STX11: variants seen among roughly 807,000 people sequenced by gnomAD.
The protein encoded by STX11 is syntaxin-11.
Under a neutral mutation model 19.9 loss-of-function variants are expected in STX11, and 21 were observed. The observed-to-expected ratio is 1.06, with a 90% CI of 0.75 to 1.52. STX11 has a LOEUF of 1.52. Among genes scored for constraint, STX11 ranks in the 40% most tolerant of loss-of-function variants. The pLI is 0.00. For synonymous variants in STX11, 193 were observed against 174.4 expected (o/e 1.11, Z -0.84); for missense variants, 438 against 405.9 (o/e 1.08, Z -0.68).
chr6:144,163,346 G>A (rs1801393619), intron 1 of STX11, among the ~76,000 whole-genome samples: 1 of 152,238 alleles, frequency 6.6e-6, no homozygotes, highest in African/African-American at 2.4e-5. Flanking sequence ...GCCAAGGCAG[G>A]AGGATTGCTT....
chr6:144,172,813 CT>C lies in STX11; in HGVS notation c.-5-13809del, dbSNP rs1801674453. Among the ~76,000 whole-genome samples, 1 of 151,896 alleles carries C rather than the reference CT, an allele frequency of 6.6e-6. No individual in the cohort carries two copies. The highest frequency in any genetic ancestry group is 6.6e-5 in the Admixed American group (1 of 15,224). On this transcript the variant is annotated intron_variant, in intron 1 of 1. Transcript: ENST00000367568. This position sits in a 1 kb window ranked among gnomAD's most constrained non-coding sequence, Gnocchi z 4.2. ...TCTTGATCCCAAGACAATGAACAGG[CT>C]GTCTTTCCCATACACATCCAACATA... is the stretch of plus-strand genomic sequence containing the variant.
At position 144,177,006 on chromosome 6, in the gene STX11, G is replaced by A. The variant is rs1159243341; in HGVS notation, c.-5-9617G>A. On this transcript the variant is annotated intron_variant, in intron 1 of 1. Transcript: ENST00000367568. This position sits in a 1 kb window ranked among gnomAD's most constrained non-coding sequence, Gnocchi z 4.4. ...TTTTTTCTGGGAGAATTTAACAGGA[G>A]TAACCAGGCAATGAGACTAGAATAA... 2.6e-5 allele frequency among the ~76,000 whole-genome samples: 4 copies of A among 152,180 alleles called. No homozygotes were observed. The highest frequency in any genetic ancestry group is 4.4e-5 in the Non-Finnish European group (3 of 68,020).
In STX11 at chr6:144,189,382, A is replaced by G. The variant is rs1414030057; in HGVS notation, c.*1891A>G. 2.6e-5 allele frequency among the ~76,000 whole-genome samples: 4 copies of G among 152,232 alleles called. No individual in the cohort carries two copies. Among genetic ancestry groups the G allele is most frequent in the South Asian group, 2.1e-4 (1 of 4,822 alleles). On this transcript the variant is annotated 3_prime_UTR_variant, in exon 2 of 2. Transcript: ENST00000367568. ...TCTGGATGGAACTGAGTGGAGGGGG[A>G]AAAGAATGAAAAACTCAAAAGAATT...
intron 1 of STX11, among the ~76,000 whole-genome samples, chr6:144,161,921 T>C (rs530710934): frequency 1.2e-4 from 19 of 152,220 alleles, no homozygotes; most frequent in Non-Finnish European, 2.8e-4. Context: ...TCTTTCTCTT[T>C]ATAGAAAAAG....
intron 1 of STX11, among the ~76,000 whole-genome samples, chr6:144,161,257 G>T (rs774739290): frequency 2.0e-5 from 3 of 152,172 alleles, no homozygotes; most frequent in Admixed American, 1.3e-4. Context: ...AGGATGAAAC[G>T]TATTCCTTAA....
Position 144,187,602 on chromosome 6 carries a change from A to C in STX11, c.*111A>C. The C allele has an allele frequency of 6.9e-7, 1 of 1,439,376 alleles. No individual in the cohort carries two copies. Among genetic ancestry groups the C allele is most frequent in the Non-Finnish European group, 9.5e-7 (1 of 1,053,078 alleles). The allele number at this position is 1,439,376 out of a possible 1,614,324, so 89.2% of individuals were successfully genotyped here. A position where few individuals can be genotyped will look rare whatever the true frequency, so the allele number is the denominator to read the frequency against. ...GGGAGTTGCCCCAACCCTTTCCGGAACTCAGTCTTTAGAAAAGAAACGCCA... is the reference window on the plus strand; with the variant it reads ...GGGAGTTGCCCCAACCCTTTCCGGACCTCAGTCTTTAGAAAAGAAACGCCA... On this transcript the variant is annotated 3_prime_UTR_variant, in exon 2 of 2. Transcript: ENST00000367568. This position sits in a 1 kb window ranked among gnomAD's most constrained non-coding sequence, Gnocchi z 5.6.
chr6:144,150,229 C>A (rs1800958386), upstream of STX11, among the ~76,000 whole-genome samples: 1 of 152,274 alleles, frequency 6.6e-6, no homozygotes, highest in South Asian at 2.1e-4. Context: ...GTCCAGCGCG[C>A]TCCCTGCCCT....
chr6:144,153,343 G>T lies in STX11; in HGVS notation c.-6+2640G>T, dbSNP rs1801053837. Among the ~76,000 whole-genome samples, 1 of 152,180 alleles carries T rather than the reference G, an allele frequency of 6.6e-6. No individual in the cohort carries two copies. On this transcript the variant is annotated intron_variant, in intron 1 of 1. Transcript: ENST00000367568. The surrounding 1 kb of genome is among the most constrained non-coding windows in gnomAD (Gnocchi z 5.0). The stretch of plus-strand genomic sequence containing the variant: ...TAAGTGTTAGAAAGTGTTTATTGAT[G>T]GAATAATGAACCTTCACGTAGGAGG...
intron 1 of STX11, among the ~76,000 whole-genome samples, chr6:144,178,122 T>C (rs1022165572): frequency 6.6e-6 from 1 of 152,194 alleles, no homozygotes; most frequent in Admixed American, 6.5e-5. Flanking sequence ...GAAGCCTTCT[T>C]GTGGGGAGTT....
In STX11 at chr6:144,176,138, G is replaced by T. The variant is rs1422876168; in HGVS notation, c.-5-10485G>T. Among the ~76,000 whole-genome samples the T allele has an allele frequency of 6.6e-6, 1 of 152,150 alleles. No individual in the cohort carries two copies. Among genetic ancestry groups the T allele is most frequent in the Non-Finnish European group, 1.5e-5 (1 of 68,020 alleles). On this transcript the variant is annotated intron_variant, in intron 1 of 1. Transcript: ENST00000367568. This position sits in a 1 kb window ranked among gnomAD's most constrained non-coding sequence, Gnocchi z 4.1. ...TTTGCAGGAGGAGGTGGAGAGGGATGCCAGAGAAGGGAAGAAACAGAGCAG... is the reference window on the plus strand; with the variant it reads ...TTTGCAGGAGGAGGTGGAGAGGGATTCCAGAGAAGGGAAGAAACAGAGCAG...
rs1220369276 is a variant in STX11 at position 144,177,402 on chromosome 6, C to T, written c.-5-9221C>T. Among the ~76,000 whole-genome samples, 1 of 152,198 alleles carries T rather than the reference C, an allele frequency of 6.6e-6. No homozygotes were observed. Among genetic ancestry groups the T allele is most frequent in the Non-Finnish European group, 1.5e-5 (1 of 68,040 alleles). ...CAAGTGGAAAAATTTGCACAGATGA[C>T]TTGAGCCTTGAGGCCTTGACCCTTG... is the stretch of plus-strand genomic sequence containing the variant. On this transcript the variant is annotated intron_variant, in intron 1 of 1. Transcript: ENST00000367568. The surrounding 1 kb of genome is among the most constrained non-coding windows in gnomAD (Gnocchi z 4.4).
At position 144,189,814 on chromosome 6, in the gene STX11, A is replaced by T. The variant is rs990916762; in HGVS notation, c.*2323A>T. ...CCCAATTTCTTTTTCAGCCAACTCC[A>T]AGGATATGTATCACCTTTGACTTAA... On this transcript the variant is annotated 3_prime_UTR_variant, in exon 2 of 2. Coordinates refer to ENST00000367568, the MANE Select transcript of STX11 (RefSeq NM_003764.4). Among the ~76,000 whole-genome samples the T allele has an allele frequency of 1.3e-5, 2 of 152,210 alleles. No homozygotes were observed. Among genetic ancestry groups the T allele is most frequent in the African/African-American group, 4.8e-5 (2 of 41,444 alleles).
At chr6:144,186,142 A>C (rs979323777) in intron 1 of STX11, among the ~76,000 whole-genome samples, 1 of 122,710 alleles carries the variant, frequency 8.1e-6, no homozygotes, top group Non-Finnish European at 1.6e-5. Flanking sequence ...TGCAATCTAA[A>C]ATTTTCACAC....
Position 144,160,603 on chromosome 6 carries a change from C to T in STX11, c.-6+9900C>T, listed in dbSNP as rs576366744. Among the ~76,000 whole-genome samples the T allele has an allele frequency of 2.0e-5, 3 of 152,182 alleles. No homozygotes were observed. Among genetic ancestry groups the T allele is most frequent in the African/African-American group, 7.2e-5 (3 of 41,508 alleles). On this transcript the variant is annotated intron_variant, in intron 1 of 1. Coordinates refer to ENST00000367568, the MANE Select transcript of STX11 (RefSeq NM_003764.4). This position sits in a 1 kb window ranked among gnomAD's most constrained non-coding sequence, Gnocchi z 4.3. Reference sequence around the variant, plus strand: ...ACATGTGCATATTTAACCTATGAACCTCTACATTAAGTACTAAGAATACCA... The same window carrying T: ...ACATGTGCATATTTAACCTATGAACTTCTACATTAAGTACTAAGAATACCA...
intron 1 of STX11, among the ~76,000 whole-genome samples, chr6:144,173,690 A>G (rs539322716): frequency 6.6e-6 from 1 of 152,240 alleles, no homozygotes; most frequent in African/African-American, 2.4e-5. Flanking sequence ...CAACATTTTC[A>G]GCCTTTGGAG....
Position 144,174,909 on chromosome 6 carries a change from G to T in STX11, c.-5-11714G>T, listed in dbSNP as rs941586834. ...GCACTTTGGGAGGTTGAGGCAGAGG[G>T]GATCACTTGTGCTCCAGAGTTTGAG... On this transcript the variant is annotated intron_variant, in intron 1 of 1. Coordinates refer to ENST00000367568, the MANE Select transcript of STX11 (RefSeq NM_003764.4). The surrounding 1 kb of genome is among the most constrained non-coding windows in gnomAD (Gnocchi z 5.3). 4.6e-5 allele frequency among the ~76,000 whole-genome samples: 7 copies of T among 152,082 alleles called. No individual in the cohort carries two copies. The highest frequency in any genetic ancestry group is 9.7e-5 in the African/African-American group (4 of 41,414).
In STX11 at chr6:144,183,427, CTT is replaced by C. The variant is rs1461736339; in HGVS notation, c.-5-3193_-5-3192del. ...TATTTTGAGCAATGAGTTTCATACA[CTT>C]TTGCATTATATCTTTAGAATAAATG... On this transcript the variant is annotated intron_variant, in intron 1 of 1. Transcript: ENST00000367568. This position sits in a 1 kb window ranked among gnomAD's most constrained non-coding sequence, Gnocchi z 4.6. Among the ~76,000 whole-genome samples, 1 of 152,234 alleles carries C rather than the reference CTT, an allele frequency of 6.6e-6. No individual in the cohort carries two copies. The highest frequency in any genetic ancestry group is 1.5e-5 in the Non-Finnish European group (1 of 68,050).
upstream of STX11, among the ~76,000 whole-genome samples, chr6:144,148,478 AC>A (rs1201786471): frequency 6.6e-6 from 1 of 152,050 alleles, no homozygotes; most frequent in African/African-American, 2.4e-5. Context: ...ATTTTTTAGA[AC>A]CGTTTTAGAT....
At chr6:144,173,805 A>G (rs992645663) in intron 1 of STX11, among the ~76,000 whole-genome samples, 2 of 152,166 alleles carry the variant, frequency 1.3e-5, no homozygotes, top group African/African-American at 4.8e-5. Flanking sequence ...CCCTCCTCTG[A>G]CAGTCTGCAT....
Sources: allele counts gnomAD v4.1 joint callset (sites outside exome capture counted in the v4.1 genomes callset), GRCh38; gene constraint gnomAD v4.1.1; non-coding constraint Gnocchi (gnomAD v3.1); transcripts MANE v1.5; gene names NCBI Gene and HGNC (gene_info 2026-07-23, HGNC 2026-07-21).